Variants in DCDC2 observed in about 807,000 individuals in gnomAD.
DCDC2 encodes the protein doublecortin domain-containing protein 2.
In DCDC2, 40 loss-of-function variants were observed where a neutral mutation model predicts 50.2. The observed-to-expected ratio is 0.80, with a 90% confidence interval of 0.62 to 1.04. The LOEUF is 1.04. Ranked by LOEUF, DCDC2 falls within the 50% of genes least tolerant of loss-of-function variation. DCDC2 has a pLI of 0.00. For missense variants in DCDC2, 570 were observed against 581.9 expected, an observed-to-expected ratio of 0.98 and a Z score of 0.21; for synonymous variants, 234 against 210.6, an observed-to-expected ratio of 1.11 and a Z score of -0.96.
At position 24,178,519 on chromosome 6, in the gene DCDC2, C is replaced by A. The variant is rs1228097560; in HGVS notation, c.1137G>T (p.Arg379Ser). 1.2e-6 allele frequency: 2 copies of A among 1,614,178 alleles called. No individual in the cohort carries two copies. The highest frequency in any genetic ancestry group is 2.2e-5 in the South Asian group (2 of 91,078). ...MNGDLEEEGG[R>S]EATDAPEQVE... is the part of the protein sequence containing the mutation. ...CTTGCTCAGGGGCATCTGTAGCCTCCCTACCTCCTTCCTCTTCAAGGTCAC... is the reference window on the plus strand; with the variant it reads ...CTTGCTCAGGGGCATCTGTAGCCTCACTACCTCCTTCCTCTTCAAGGTCAC... The change falls in exon 9 of 10, where the codon AGG becomes AGT. Residue 379 changes from arginine (R) to serine (S), a missense_variant. By Grantham distance (110) the Arg-to-Ser change is moderately radical (BLOSUM62 -1). Coordinates refer to ENST00000378454, the MANE Select transcript of DCDC2 (RefSeq NM_016356.5).
At chr6:24,303,228 T>C (rs1759414287) in intron 2 of DCDC2, among the ~76,000 whole-genome samples, 1 of 152,108 alleles carries the variant, frequency 6.6e-6, no homozygotes, top group Non-Finnish European at 1.5e-5. Flanking sequence ...CTCTTCAGGC[T>C]TCTGCCGTCT....
chr6:24,288,806 CATATAAAA>C (rs1763674620), intron 6 of DCDC2, 38 bp downstream of exon 6: 1 of 1,541,636 alleles, frequency 6.5e-7, no homozygotes, highest in Non-Finnish European at 9.0e-7. Flanking sequence ...CTCTTTGTAT[CATATAAAA>C]ATATAGAACA....
the DCDC2 span, among the ~76,000 whole-genome samples, chr6:24,367,137 A>C: frequency 6.6e-6 from 1 of 152,236 alleles, no homozygotes; most frequent in African/African-American, 2.4e-5. Flanking sequence ...TGCCTGGCTA[A>C]ATGTCTAAAC....
chr6:24,194,494 G>A (rs1466060657), intron 8 of DCDC2, among the ~76,000 whole-genome samples: 2 of 152,062 alleles, frequency 1.3e-5, no homozygotes, highest in African/African-American at 4.8e-5. Flanking sequence ...CTTCCACTCG[G>A]TTCTGTCAAA....
At chr6:24,327,523 G>T (rs1159709402) in intron 2 of DCDC2, among the ~76,000 whole-genome samples, 1 of 134,666 alleles carries the variant, frequency 7.4e-6, no homozygotes, top group Non-Finnish European at 1.7e-5. Context: ...GCCCAGGCTG[G>T]AGTACAAGGG....
intron 7 of DCDC2, among the ~76,000 whole-genome samples, chr6:24,233,551 C>T (rs939078760): frequency 3.9e-5 from 6 of 152,016 alleles, no homozygotes; most frequent in Admixed American, 2.6e-4. Context: ...TTATTTTAAC[C>T]CAGGTTTAAT....
At chr6:24,270,029 A>G (rs28993078) in intron 7 of DCDC2, among the ~76,000 whole-genome samples, 17,699 of 152,116 alleles carry the variant, frequency 0.12, 1,136 homozygotes, top group Middle Eastern at 0.16. Flanking sequence ...GAACTCCCCA[A>G]AATCTCCCAG....
chr6:24,245,471 A>T (rs913230091), intron 7 of DCDC2, among the ~76,000 whole-genome samples: 4 of 152,192 alleles, frequency 2.6e-5, no homozygotes, highest in Admixed American at 1.3e-4. Flanking sequence ...ACTGTGAGAA[A>T]GGCTGTAAGA....
intron 2 of DCDC2, among the ~76,000 whole-genome samples, chr6:24,340,332 T>C (rs1176984024): frequency 1.3e-5 from 2 of 152,166 alleles, no homozygotes; most frequent in Non-Finnish European, 2.9e-5. Context: ...TAAAATTAAT[T>C]AAAATAGAAA....
At chr6:24,267,397 C>A (rs1389031556) in intron 7 of DCDC2, among the ~76,000 whole-genome samples, 1 of 152,082 alleles carries the variant, frequency 6.6e-6, no homozygotes, top group Non-Finnish European at 1.5e-5. Flanking sequence ...ATGCCTGTAT[C>A]GAAATATCTC....
At chr6:24,339,806 T>G (rs1399003044) in intron 2 of DCDC2, among the ~76,000 whole-genome samples, 1 of 152,218 alleles carries the variant, frequency 6.6e-6, no homozygotes, top group Non-Finnish European at 1.5e-5. Context: ...AGATTGTCTA[T>G]GAATGGATAT....
At chr6:24,235,046 G>T (rs572726597) in intron 7 of DCDC2, among the ~76,000 whole-genome samples, 14 of 152,266 alleles carry the variant, frequency 9.2e-5, no homozygotes, top group Admixed American at 7.2e-4. Flanking sequence ...TGCATTATGG[G>T]ATAAAAAGAT....
At chr6:24,298,241 C>A (rs1330573942) in intron 4 of DCDC2, among the ~76,000 whole-genome samples, 1 of 152,176 alleles carries the variant, frequency 6.6e-6, no homozygotes, top group Non-Finnish European at 1.5e-5. Context: ...GGAGTGCAGG[C>A]GGTGATGCTC....
chr6:24,306,191 A>G (rs707867), intron 2 of DCDC2, among the ~76,000 whole-genome samples: 122,116 of 152,034 alleles, frequency 0.8, 50,497 homozygotes, highest in East Asian at 0.99. Context: ...TGGTGAGCAG[A>G]CTGACCAGCG....
At chr6:24,208,921 T>C (rs1761789467) in intron 7 of DCDC2, among the ~76,000 whole-genome samples, 1 of 152,230 alleles carries the variant, frequency 6.6e-6, no homozygotes, top group Non-Finnish European at 1.5e-5. Flanking sequence ...AAGTATTATT[T>C]GTAATACAAT....
At chr6:24,289,788 C>G (rs974628177) in intron 5 of DCDC2, among the ~76,000 whole-genome samples, 49 of 152,238 alleles carry the variant, frequency 3.2e-4, no homozygotes, top group Non-Finnish European at 2.8e-4. Context: ...TCAAGTTACA[C>G]AAATTGTGAA....
intron 8 of DCDC2, among the ~76,000 whole-genome samples, chr6:24,187,897 C>T (rs551050894): frequency 1.3e-5 from 2 of 152,256 alleles, no homozygotes; most frequent in South Asian, 2.1e-4. Context: ...CGATGATGAT[C>T]CTAATTTGCA....
the DCDC2 span, among the ~76,000 whole-genome samples, chr6:24,370,637 G>A: frequency 6.6e-6 from 1 of 152,196 alleles, no homozygotes; most frequent in Admixed American, 6.5e-5. Flanking sequence ...TCGGGCCTGG[G>A]AGATCAAGGC....
At chr6:24,279,321 T>C (rs1763421981) in intron 6 of DCDC2, among the ~76,000 whole-genome samples, 2 of 152,042 alleles carry the variant, frequency 1.3e-5, no homozygotes, top group South Asian at 4.1e-4. Flanking sequence ...CTAAGCATAG[T>C]CCCAGCTACC....
Sources: gnomAD v4.1 joint callset for allele counts (sites outside exome capture counted in the v4.1 genomes callset) on GRCh38, gnomAD v4.1.1 for gene constraint, MANE v1.5 for transcripts, NCBI Gene and HGNC (gene_info 2026-07-23, HGNC 2026-07-21) for gene names.